GALNT13: variants seen among roughly 807,000 people sequenced by gnomAD.
GALNT13 encodes polypeptide N-acetylgalactosaminyltransferase 13, also known as UDP-GalNAc:polypeptide N-acetylgalactosaminyltransferase 13.
GALNT13 carries 28 observed loss-of-function variants against 64.2 expected under a neutral mutation model. The observed-to-expected ratio is 0.44, with a 90% CI of 0.32 to 0.60. GALNT13 has a LOEUF of 0.60. GALNT13 is among the 20% of genes least tolerant of loss of function. The probability of loss-of-function intolerance (pLI) is 0.05; values close to 1 mark genes in which losing one functional copy is unlikely to be tolerated. For missense variants in GALNT13, 577 were observed against 669.8 expected, an observed-to-expected ratio of 0.86 and a Z score of 1.53; for synonymous variants, 214 against 224.6, an observed-to-expected ratio of 0.95 and a Z score of 0.42.
chr2:153,851,517 C>T, the GALNT13 span, among the ~76,000 whole-genome samples: 31 of 148,926 alleles, frequency 2.1e-4, no homozygotes, highest in African/African-American at 7.2e-4. Context: ...TCCTAGGCAA[C>T]ATAGTGAGAC....
intron 4 of GALNT13, among the ~76,000 whole-genome samples, chr2:154,201,195 A>G (rs2105779540): frequency 6.6e-6 from 1 of 152,248 alleles, no homozygotes; most frequent in South Asian, 2.1e-4. Context: ...AATCTGAATG[A>G]CTGCAGAGTG....
the GALNT13 span, among the ~76,000 whole-genome samples, chr2:153,401,077 C>T: frequency 6.6e-6 from 1 of 151,984 alleles, no homozygotes; most frequent in Admixed American, 6.5e-5. Context: ...CTATAAATTT[C>T]CCTCTACACA....
the GALNT13 span, among the ~76,000 whole-genome samples, chr2:153,584,784 A>G: frequency 6.6e-6 from 1 of 152,204 alleles, no homozygotes; most frequent in Non-Finnish European, 1.5e-5. Flanking sequence ...GCTCCTGCCA[A>G]TAGCAGCACC....
chr2:153,222,332 T>TGGGGGGGGGGGGGGGGGGGGGGGGGGGG, the GALNT13 span, among the ~76,000 whole-genome samples: 14 of 103,788 alleles, frequency 1.3e-4, no homozygotes, highest in Non-Finnish European at 2.0e-4. Flanking sequence ...GGGGGTGGGG[T>TGGGGGGGGGGGGGGGGGGGGGGGGGGGG]GGGGGGGGGG....
chr2:153,122,661 G>C, the GALNT13 span, among the ~76,000 whole-genome samples: 5,968 of 152,204 alleles, frequency 0.039, 213 homozygotes, highest in East Asian at 0.18. Flanking sequence ...TGGTCTGGGC[G>C]CCACTTTCAT....
intron 3 of GALNT13, among the ~76,000 whole-genome samples, chr2:154,003,455 T>G (rs532671546): frequency 6.6e-6 from 1 of 152,348 alleles, no homozygotes; most frequent in African/African-American, 2.4e-5. Flanking sequence ...TTTTCCAAGT[T>G]CTTGTGAACT....
chr2:154,371,623 C>T (rs1230293094), intron 9 of GALNT13, among the ~76,000 whole-genome samples: 1 of 152,024 alleles, frequency 6.6e-6, no homozygotes, highest in African/African-American at 2.4e-5. Context: ...GACAGAAACT[C>T]TGCATAATTT....
At chr2:153,649,988 T>G in the GALNT13 span, among the ~76,000 whole-genome samples, 4 of 152,174 alleles carry the variant, frequency 2.6e-5, no homozygotes, top group African/African-American at 9.7e-5. Flanking sequence ...GTCTGCTTGG[T>G]GCCTAGCTGA....
intron 4 of GALNT13, among the ~76,000 whole-genome samples, chr2:154,146,991 C>T (rs1170706027): frequency 2.0e-5 from 3 of 151,942 alleles, no homozygotes; most frequent in African/African-American, 7.3e-5. Flanking sequence ...ATGTGTATGC[C>T]TTTTTTCCGG....
the GALNT13 span, among the ~76,000 whole-genome samples, chr2:153,521,918 G>A: frequency 3.9e-5 from 6 of 152,070 alleles, no homozygotes; most frequent in Non-Finnish European, 7.4e-5. Flanking sequence ...TTGTCTGGGT[G>A]TACCACAGTT....
chr2:153,694,602 G>T, the GALNT13 span, among the ~76,000 whole-genome samples: 1 of 152,116 alleles, frequency 6.6e-6, no homozygotes, highest in African/African-American at 2.4e-5. Context: ...TTACCTTTGG[G>T]AGAGTCTTGA....
At chr2:154,431,930 C>G (rs182103250) in intron 11 of GALNT13, among the ~76,000 whole-genome samples, 9 of 152,296 alleles carry the variant, frequency 5.9e-5, no homozygotes, top group African/African-American at 2.2e-4. Flanking sequence ...AACTGTGAGT[C>G]CATTAAACCT....
At chr2:153,371,136 T>C in the GALNT13 span, 1 of 154,538 alleles carries the variant, frequency 6.5e-6, no homozygotes, top group South Asian at 2.0e-4. Context: ...TAACAAAATT[T>C]AACATCCATT....
In GALNT13 at chr2:153,944,151, A is replaced by T. The variant is rs180760678; in HGVS notation, c.-104-243A>T. ...TTAAGTTCATTACAATACAACTTAA[A>T]GGAATCAAGTAGTTTGTCAAGGGCC... On this transcript the variant is annotated intron_variant, in intron 2 of 12. Transcript: ENST00000392825. Among the ~76,000 whole-genome samples the T allele has an allele frequency of 5.9e-5, 9 of 152,314 alleles. No homozygotes were observed. The East Asian group carries it at 1.7e-3, about 29-fold the overall frequency.
chr2:153,965,062 A>G, intron 3 of GALNT13, among the ~76,000 whole-genome samples: 1 of 152,126 alleles, frequency 6.6e-6, no homozygotes, highest in East Asian at 1.9e-4. Context: ...ATGTTTCAAT[A>G]TTTTTAAGGA....
At chr2:153,543,470 G>A in the GALNT13 span, among the ~76,000 whole-genome samples, 180 of 152,234 alleles carry the variant, frequency 1.2e-3, no homozygotes, top group South Asian at 1.9e-3. Context: ...AAGCATTTGT[G>A]ATCTTGTAAT....
the GALNT13 span, among the ~76,000 whole-genome samples, chr2:153,119,624 T>TACAG: frequency 6.6e-6 from 1 of 152,298 alleles, no homozygotes; most frequent in East Asian, 1.9e-4. Context: ...GCTTTGCACT[T>TACAG]GTTTGTAAGG....
chr2:153,648,677 G>C, the GALNT13 span, among the ~76,000 whole-genome samples: 6 of 152,050 alleles, frequency 3.9e-5, no homozygotes, highest in Non-Finnish European at 8.8e-5. Flanking sequence ...TAGCATGAAG[G>C]GCTGTTGAAT....
chr2:153,455,517 C>T, the GALNT13 span, among the ~76,000 whole-genome samples: 3 of 152,194 alleles, frequency 2.0e-5, no homozygotes, highest in Non-Finnish European at 4.4e-5. Flanking sequence ...CTCGGACCCA[C>T]TGACTTCCAC....
Sources: gnomAD v4.1 joint callset for allele counts (sites outside exome capture counted in the v4.1 genomes callset) on GRCh38, gnomAD v4.1.1 for gene constraint, MANE v1.5 for transcripts, NCBI Gene and HGNC (gene_info 2026-07-23, HGNC 2026-07-21) for gene names.